MARCHF8: variants seen among roughly 807,000 people sequenced by gnomAD.
MARCHF8 encodes the protein E3 ubiquitin-protein ligase MARCHF8.
A neutral mutation model predicts 51.6 loss-of-function variants in MARCHF8; 40 were observed. That is an observed-to-expected ratio of 0.77 (90% CI 0.60 to 1.01). The LOEUF (loss-of-function observed/expected upper bound fraction) is 1.01, where lower values mean the gene tolerates loss of function less well. Among genes scored for constraint, MARCHF8 ranks in the 50% least tolerant of loss-of-function variants. The pLI, the probability that MARCHF8 is intolerant of heterozygous loss-of-function variation, is 0.00. For missense variants in MARCHF8, 685 were observed against 708.6 expected (o/e 0.97, Z 0.38); for synonymous variants, 263 against 280.3 (o/e 0.94, Z 0.62).
chr10:45,463,184 A>T lies in MARCHF8; in HGVS notation c.1055T>A (p.Ile352Lys), dbSNP rs1842848236. The T allele has an allele frequency of 6.4e-7, 1 of 1,550,428 alleles. No homozygotes were observed. ...PSPFSEKLPP[I>K]SPVSTSGDVC... ...ATCCCCTGACGTGGACACGGGAGAT[A>T]TGGGGGGTAATTTTTCAGAGAAGGG... The change falls in exon 5 of 8, where the codon ATA becomes AAA. Residue 352 changes from isoleucine (I) to lysine (K), a missense_variant. Ile to Lys is a moderately radical substitution (Grantham distance 102). Transcript: ENST00000453424.
intron 1 of MARCHF8, among the ~76,000 whole-genome samples, chr10:45,562,765 A>G (rs960141075): frequency 1.3e-5 from 2 of 152,224 alleles, no homozygotes; most frequent in Non-Finnish European, 2.9e-5. Context: ...AGTATGTGTC[A>G]GCAAACATTC....
rs557895061 is a variant in MARCHF8, at chr10:45,593,794, A to G, written c.-79+441T>C. On this transcript the variant is annotated intron_variant, in intron 1 of 6. Transcript: ENST00000319836. ...GGTTATGCTAGCTGTCTAATTACAT[A>G]GCATGCAATCGAACAAAATAAAGAG... Among the ~76,000 whole-genome samples, 3 of 152,358 alleles carry G rather than the reference A, an allele frequency of 2.0e-5. No homozygotes were observed. The South Asian group carries it at 6.2e-4, about 32-fold the overall frequency.
At chr10:45,534,151 C>G (rs1011906403) in intron 1 of MARCHF8, among the ~76,000 whole-genome samples, 1 of 152,168 alleles carries the variant, frequency 6.6e-6, no homozygotes, top group East Asian at 1.9e-4. Context: ...CCACTGCACT[C>G]CAGCCTGGGT....
intron 2 of MARCHF8, among the ~76,000 whole-genome samples, chr10:45,491,498 C>T (rs901717620): frequency 6.6e-6 from 1 of 152,126 alleles, no homozygotes; most frequent in Non-Finnish European, 1.5e-5. Context: ...GAGATCACAC[C>T]ACTGCACTGC....
chr10:45,561,129 G>A (rs570472787), intron 1 of MARCHF8, among the ~76,000 whole-genome samples: 2 of 151,928 alleles, frequency 1.3e-5, no homozygotes, highest in East Asian at 3.9e-4. Flanking sequence ...GTCAAAAAGG[G>A]AATAAAAATA....
At chr10:45,464,363 G>A in intron 3 of MARCHF8, 36 bp from the exon 4 acceptor site, 1 of 1,570,144 alleles carries the variant, frequency 6.4e-7, no homozygotes, top group South Asian at 1.1e-5. Context: ...GTTCAGGTAA[G>A]AGCCAAGGGG....
chr10:45,466,260 G>A (rs181794594), intron 3 of MARCHF8, among the ~76,000 whole-genome samples: 1 of 152,308 alleles, frequency 6.6e-6, no homozygotes. Flanking sequence ...CTGACATTTA[G>A]TCCTAACACT....
intron 3 of MARCHF8, among the ~76,000 whole-genome samples, chr10:45,468,191 T>C (rs945577244): frequency 1.1e-4 from 17 of 152,226 alleles, no homozygotes; most frequent in Admixed American, 7.9e-4. Flanking sequence ...TTTAACAAGG[T>C]TGCCAAAGAA....
At chr10:45,554,228 C>T (rs190861439) in intron 1 of MARCHF8, among the ~76,000 whole-genome samples, 1 of 152,102 alleles carries the variant, frequency 6.6e-6, no homozygotes, top group Admixed American at 6.5e-5. Context: ...GTAATGGTAT[C>T]AATATGATTA....
At chr10:45,528,437 T>C (rs1158542557) in intron 2 of MARCHF8, among the ~76,000 whole-genome samples, 6 of 151,952 alleles carry the variant, frequency 3.9e-5, no homozygotes, top group Non-Finnish European at 8.8e-5. Context: ...AAATCAGTAG[T>C]ATTTCTTTTG....
At chr10:45,594,410 C>G (rs2044713914) in exon 1 of MARCHF8, 1 of 152,270 alleles carries the variant, frequency 6.6e-6, no homozygotes, top group South Asian at 2.1e-4. Flanking sequence ...AAGGAATTCA[C>G]CTGGCACCCG....
chr10:45,477,814 G>T (rs2042814005), intron 3 of MARCHF8, among the ~76,000 whole-genome samples: 1 of 152,142 alleles, frequency 6.6e-6, no homozygotes, highest in Admixed American at 6.5e-5. Context: ...AACAGTAAAA[G>T]ACAAAGAGAG....
chr10:45,540,112 G>C (rs974835295), upstream of MARCHF8, among the ~76,000 whole-genome samples: 1 of 152,170 alleles, frequency 6.6e-6, no homozygotes, highest in African/African-American at 2.4e-5. Context: ...TCATGAAAAT[G>C]GCCATACTGC....
At chr10:45,482,470 C>A (rs774896480) in intron 3 of MARCHF8, among the ~76,000 whole-genome samples, 16 of 152,160 alleles carry the variant, frequency 1.1e-4, no homozygotes, top group Non-Finnish European at 1.8e-4. Context: ...AAAACAGATA[C>A]AGGCCAGGAG....
intron 2 of MARCHF8, among the ~76,000 whole-genome samples, chr10:45,492,373 C>T (rs549910702): frequency 1.5e-4 from 23 of 152,110 alleles, no homozygotes; most frequent in African/African-American, 5.3e-4. Flanking sequence ...TCTCGGCTCA[C>T]TGCACGCTCC....
At chr10:45,525,542 G>A (rs745559349) in intron 2 of MARCHF8, among the ~76,000 whole-genome samples, 1 of 152,134 alleles carries the variant, frequency 6.6e-6, no homozygotes, top group Non-Finnish European at 1.5e-5. Flanking sequence ...CACCTTCAAG[G>A]AGGGGGAGCA....
chr10:45,522,325 T>C (rs1483102393), intron 2 of MARCHF8, among the ~76,000 whole-genome samples: 1 of 151,896 alleles, frequency 6.6e-6, no homozygotes, highest in Non-Finnish European at 1.5e-5. Flanking sequence ...ACTGTGGGAG[T>C]GACTATCTCC....
intron 2 of MARCHF8, among the ~76,000 whole-genome samples, chr10:45,491,830 G>A (rs1434372073): frequency 6.6e-6 from 1 of 152,178 alleles, no homozygotes; most frequent in Non-Finnish European, 1.5e-5. Flanking sequence ...TATAACCACT[G>A]CTACATTACT....
chr10:45,515,164 T>G (rs561154801), intron 2 of MARCHF8, among the ~76,000 whole-genome samples: 3 of 152,358 alleles, frequency 2.0e-5, no homozygotes, highest in African/African-American at 7.2e-5. Flanking sequence ...ATGAGTCATA[T>G]CTAAAGAAGT....
Sources: allele counts gnomAD v4.1 joint callset (sites outside exome capture counted in the v4.1 genomes callset), GRCh38; gene constraint gnomAD v4.1.1; transcripts MANE v1.5; gene names NCBI Gene and HGNC (gene_info 2026-07-23, HGNC 2026-07-21).